ITGA9: variants seen among roughly 807,000 people sequenced by gnomAD.
The protein encoded by ITGA9 is integrin subunit alpha 9, also known as integrin alpha-9.
In ITGA9, 56 loss-of-function variants were observed where a neutral mutation model predicts 127.8. The observed-to-expected ratio is 0.44, with a 90% confidence interval of 0.35 to 0.55. ITGA9 has a LOEUF of 0.55. Among genes scored for constraint, ITGA9 ranks in the 20% least tolerant of loss-of-function variants. The probability of loss-of-function intolerance (pLI) is 0.00; values close to 1 mark genes in which losing one functional copy is unlikely to be tolerated. For missense variants in ITGA9, 1,196 were observed against 1,347.1 expected, an observed-to-expected ratio of 0.89 and a Z score of 1.76; for synonymous variants, 508 against 514.5, an observed-to-expected ratio of 0.99 and a Z score of 0.17.
At chr3:37,707,315 T>C (rs1690787848) in intron 18 of ITGA9, among the ~76,000 whole-genome samples, 2 of 152,348 alleles carry the variant, frequency 1.3e-5, no homozygotes, top group South Asian at 4.1e-4. Context: ...CAACAAGTTC[T>C]TTTCTGTTTA....
In ITGA9 at chr3:37,467,041, A is replaced by T. The variant is rs76812246; in HGVS notation, c.186-3966A>T. On this transcript the variant is annotated intron_variant, in intron 1 of 27. Coordinates refer to ENST00000264741, the MANE Select transcript of ITGA9 (RefSeq NM_002207.3). ...GATCAGCCTGGTAAACAGCCAGCTG[A>T]ATTAACTTCAGAAAAGACTCACTCA... Among the ~76,000 whole-genome samples, 32 of 152,290 alleles carry T rather than the reference A, an allele frequency of 2.1e-4. No individual in the cohort carries two copies. The East Asian group carries it at 5.8e-3, about 28-fold the overall frequency.
At chr3:37,474,424 C>T (rs970966318) in intron 3 of ITGA9, among the ~76,000 whole-genome samples, 2 of 152,320 alleles carry the variant, frequency 1.3e-5, no homozygotes, top group Admixed American at 6.5e-5. Flanking sequence ...AGACTCAACA[C>T]GAAAGGAATT....
chr3:37,678,983 G>A (rs1037237662), intron 17 of ITGA9, among the ~76,000 whole-genome samples: 10 of 151,982 alleles, frequency 6.6e-5, no homozygotes, highest in Admixed American at 5.2e-4. Context: ...ACCCAATAAC[G>A]CAGTCAAAAA....
intron 22 of ITGA9, chr3:37,747,972 C>G (rs1427850808): frequency 4.3e-6 from 1 of 234,876 alleles, no homozygotes; most frequent in Non-Finnish European, 8.5e-6. Context: ...AACATGCCTG[C>G]CTCCCAAGGC....
intron 26 of ITGA9, among the ~76,000 whole-genome samples, chr3:37,793,236 G>A (rs958650358): frequency 6.6e-6 from 1 of 151,874 alleles, no homozygotes; most frequent in South Asian, 2.1e-4. Context: ...CACTGGACCC[G>A]TGGGCTCTAA....
chr3:37,689,439 G>A (rs1003461639), intron 18 of ITGA9, among the ~76,000 whole-genome samples: 9 of 152,200 alleles, frequency 5.9e-5, no homozygotes, highest in Admixed American at 2.0e-4. Flanking sequence ...TCCAGCCAGA[G>A]CACAGGGTAT....
intron 1 of ITGA9, among the ~76,000 whole-genome samples, chr3:37,457,892 G>A (rs1403558135): frequency 2.0e-5 from 3 of 152,172 alleles, no homozygotes; most frequent in Admixed American, 2.0e-4. Flanking sequence ...AGTCATTAAC[G>A]GCCCTGAGTG....
At chr3:37,530,509 T>C (rs1414626964) in intron 13 of ITGA9, among the ~76,000 whole-genome samples, 1 of 151,932 alleles carries the variant, frequency 6.6e-6, no homozygotes, top group Non-Finnish European at 1.5e-5. Flanking sequence ...TCCCTGGAGA[T>C]AGGTGGCCCC....
intron 18 of ITGA9, among the ~76,000 whole-genome samples, chr3:37,718,002 C>T (rs1031316129): frequency 6.6e-6 from 1 of 152,188 alleles, no homozygotes; most frequent in African/African-American, 2.4e-5. Context: ...AACAGCACCC[C>T]CATGCATTCA....
At chr3:37,508,398 G>A (rs1698866913) in intron 7 of ITGA9, among the ~76,000 whole-genome samples, 161 bp from the exon 8 acceptor site, 1 of 152,140 alleles carries the variant, frequency 6.6e-6, no homozygotes, top group South Asian at 2.1e-4. Flanking sequence ...TGCAGGGCTG[G>A]TAAAATGACA....
chr3:37,768,603 C>T (rs888858480), intron 23 of ITGA9, among the ~76,000 whole-genome samples: 5 of 152,072 alleles, frequency 3.3e-5, no homozygotes, highest in African/African-American at 9.7e-5. Context: ...TACCCGGTTG[C>T]CGTCAGCTGC....
At chr3:37,496,091 A>G (rs1015368336) in intron 5 of ITGA9, among the ~76,000 whole-genome samples, 10 of 152,164 alleles carry the variant, frequency 6.6e-5, no homozygotes, top group Admixed American at 2.0e-4. Context: ...GCCCCTCCTG[A>G]GTCAGGAGCA....
intron 17 of ITGA9, among the ~76,000 whole-genome samples, chr3:37,676,668 A>G (rs1212100069): frequency 6.6e-5 from 10 of 152,214 alleles, no homozygotes; most frequent in Admixed American, 6.5e-5. Context: ...ATTATTGTCA[A>G]ATTACTTGCA....
At chr3:37,461,289 C>T (rs1193520789) in intron 1 of ITGA9, among the ~76,000 whole-genome samples, 1 of 152,182 alleles carries the variant, frequency 6.6e-6, no homozygotes, top group Non-Finnish European at 1.5e-5. Context: ...CCAGCATTAG[C>T]CCTGCCCTCA....
intron 16 of ITGA9, among the ~76,000 whole-genome samples, chr3:37,648,501 G>T (rs1367843051): frequency 1.3e-5 from 2 of 152,068 alleles, no homozygotes; most frequent in Admixed American, 6.5e-5. Flanking sequence ...GTGGCATGTG[G>T]CTGTAGTTCC....
chr3:37,547,373 T>C (rs1699336094), intron 15 of ITGA9, among the ~76,000 whole-genome samples: 1 of 152,060 alleles, frequency 6.6e-6, no homozygotes, highest in East Asian at 1.9e-4. Flanking sequence ...TGGCGAAGGG[T>C]GGGACATCAC....
chr3:37,502,561 C>T (rs1296766921), intron 5 of ITGA9, among the ~76,000 whole-genome samples: 2 of 152,148 alleles, frequency 1.3e-5, no homozygotes, highest in Non-Finnish European at 2.9e-5. Flanking sequence ...GCCTTGTGGT[C>T]CCCTCTTCCA....
At chr3:37,528,639 A>G (rs76708411) in intron 13 of ITGA9, among the ~76,000 whole-genome samples, 6,001 of 152,282 alleles carry the variant, frequency 0.039, 353 homozygotes, top group South Asian at 0.2. Flanking sequence ...ACCTTAGATT[A>G]TAGCCAGAGA....
chr3:37,617,205 T>C (rs918175474), intron 15 of ITGA9, among the ~76,000 whole-genome samples: 1 of 152,214 alleles, frequency 6.6e-6, no homozygotes, highest in African/African-American at 2.4e-5. Context: ...AGGATTTTAT[T>C]TCTCCTTCAC....
Sources: gnomAD v4.1 joint callset for allele counts (sites outside exome capture counted in the v4.1 genomes callset) on GRCh38, gnomAD v4.1.1 for gene constraint, MANE v1.5 for transcripts, NCBI Gene and HGNC (gene_info 2026-07-23, HGNC 2026-07-21) for gene names.